The following TBC1D9 variants were observed in gnomAD, a reference collection of about 807,000 sequenced individuals.
TBC1D9 encodes the protein TBC1 domain family member 9A.
Under a neutral mutation model 132.0 loss-of-function variants are expected in TBC1D9, and 63 were observed. That is an observed-to-expected ratio of 0.48 (90% CI 0.39 to 0.59). TBC1D9 has a LOEUF of 0.59. TBC1D9 is among the 20% of genes least tolerant of loss of function. TBC1D9 has a pLI of 0.00. For synonymous variants in TBC1D9, 610 were observed against 609.9 expected, an observed-to-expected ratio of 1.00 and a Z score of 0.00; for missense variants, 1,261 against 1,592.7, an observed-to-expected ratio of 0.79 and a Z score of 3.54.
chr4:140,709,248 T>TCTCTCACA (rs1382500714), intron 1 of TBC1D9, among the ~76,000 whole-genome samples: 69 of 104,184 alleles, frequency 6.6e-4, no homozygotes, highest in African/African-American at 2.3e-3. Context: ...TCTCTCTCTC[T>TCTCTCACA]CACACACACA....
intron 13 of TBC1D9, 97 bp downstream of exon 13, chr4:140,657,000 C>G: frequency 7.2e-7 from 1 of 1,394,670 alleles, no homozygotes; most frequent in Non-Finnish European, 9.7e-7. Flanking sequence ...TGTTCTTTGC[C>G]CAGTCTGTGG....
intron 1 of TBC1D9, among the ~76,000 whole-genome samples, chr4:140,740,416 C>A (rs1263393536): frequency 1.3e-5 from 2 of 152,218 alleles, no homozygotes; most frequent in Non-Finnish European, 2.9e-5. Context: ...TACCCAATTA[C>A]AATCTCATCT....
At chr4:140,728,403 A>G (rs1241649493) in intron 1 of TBC1D9, among the ~76,000 whole-genome samples, 4 of 50,122 alleles carry the variant, frequency 8.0e-5, no homozygotes, top group African/African-American at 2.5e-4. Context: ...TTAAATGGTA[A>G]AAAAAAAAAA....
At chr4:140,752,610 T>C (rs2111088197) in intron 1 of TBC1D9, among the ~76,000 whole-genome samples, 1 of 152,320 alleles carries the variant, frequency 6.6e-6, no homozygotes, top group East Asian at 1.9e-4. Flanking sequence ...AGTAGATCAC[T>C]GCACTTTGCA....
intron 13 of TBC1D9, among the ~76,000 whole-genome samples, chr4:140,645,997 T>C (rs969159003): frequency 1.3e-5 from 2 of 152,230 alleles, no homozygotes; most frequent in African/African-American, 4.8e-5. Context: ...AGCACCACTT[T>C]GCATTTGTTT....
intron 9 of TBC1D9, among the ~76,000 whole-genome samples, chr4:140,662,435 T>A (rs1254245315): frequency 2.0e-5 from 3 of 152,188 alleles, no homozygotes; most frequent in African/African-American, 7.2e-5. Flanking sequence ...GAGGTCATCA[T>A]AACAAGCCAG....
At chr4:140,644,352 G>A (rs1054326140) in intron 13 of TBC1D9, 9 of 283,420 alleles carry the variant, frequency 3.2e-5, no homozygotes, top group South Asian at 7.4e-5. Flanking sequence ...GGAGCTAGGG[G>A]TAGCAGGGTA....
At chr4:140,645,109 CT>C in intron 13 of TBC1D9, 1 of 552,140 alleles carries the variant, frequency 1.8e-6, no homozygotes, top group Non-Finnish European at 3.5e-6. Context: ...GGGTTCAGGC[CT>C]TTAGGAGCAC....
At chr4:140,644,924 AG>A (rs1200202001) in intron 13 of TBC1D9, 3 of 446,990 alleles carry the variant, frequency 6.7e-6, no homozygotes, top group East Asian at 1.2e-4. Flanking sequence ...GTGGGAACGC[AG>A]GGGCCATGCC....
intron 1 of TBC1D9, among the ~76,000 whole-genome samples, chr4:140,749,220 TA>T (rs879624562): frequency 5.5e-4 from 75 of 136,306 alleles, no homozygotes; most frequent in Non-Finnish European, 5.3e-4. Context: ...AAATAAAAGG[TA>T]AAAAAAAAAA....
intron 3 of TBC1D9, among the ~76,000 whole-genome samples, chr4:140,682,111 A>G (rs529248237): frequency 6.6e-6 from 1 of 152,148 alleles, no homozygotes; most frequent in East Asian, 1.9e-4. Context: ...CTTAGTCTTT[A>G]TTGTATAATC....
intron 6 of TBC1D9, among the ~76,000 whole-genome samples, chr4:140,674,506 A>G (rs1490101087): frequency 6.6e-6 from 1 of 152,038 alleles, no homozygotes; most frequent in East Asian, 1.9e-4. Context: ...TTTACGGAAT[A>G]AACTGCAGGA....
chr4:140,627,793 T>G (rs1165522062), intron 17 of TBC1D9, among the ~76,000 whole-genome samples: 1 of 152,228 alleles, frequency 6.6e-6, no homozygotes, highest in African/African-American at 2.4e-5. Context: ...TTGTATGGAA[T>G]AATGCTATAT....
intron 15 of TBC1D9, among the ~76,000 whole-genome samples, chr4:140,637,164 A>G (rs1175694537): frequency 1.3e-5 from 2 of 152,096 alleles, no homozygotes; most frequent in Non-Finnish European, 2.9e-5. Flanking sequence ...AGCATGGCCA[A>G]TATGGTGAAA....
At chr4:140,737,088 C>G (rs923719602) in intron 1 of TBC1D9, among the ~76,000 whole-genome samples, 1 of 152,148 alleles carries the variant, frequency 6.6e-6, no homozygotes, top group African/African-American at 2.4e-5. Flanking sequence ...GTAAGGAGCC[C>G]ACAATCTAGA....
intron 13 of TBC1D9, among the ~76,000 whole-genome samples, chr4:140,641,105 C>CAAAAAAAAAAAAAAAA (rs1038335139): frequency 1.7e-5 from 1 of 59,780 alleles, no homozygotes; most frequent in Non-Finnish European, 3.1e-5. Context: ...AAAAAAAAAA[C>CAAAAAAAAAAAAAAAA]AAAAAAAAAC....
chr4:140,656,040 A>G (rs1025759897), intron 13 of TBC1D9, among the ~76,000 whole-genome samples: 1 of 152,154 alleles, frequency 6.6e-6, no homozygotes, highest in Non-Finnish European at 1.5e-5. Context: ...GCCATGTGCT[A>G]CTATGGTATT....
intron 13 of TBC1D9, 56 bp downstream of exon 13, chr4:140,657,041 C>G (rs558051840): frequency 8.8e-6 from 14 of 1,587,420 alleles, no homozygotes; most frequent in Admixed American, 3.4e-5. Flanking sequence ...AAACAGGCAG[C>G]AGTGGAAGTG....
chr4:140,681,006 C>T (rs1045131966), intron 3 of TBC1D9, among the ~76,000 whole-genome samples: 2 of 152,194 alleles, frequency 1.3e-5, no homozygotes, highest in Admixed American at 1.3e-4. Context: ...AGACTGGCTG[C>T]TCCTTGTGAA....
Sources: gnomAD v4.1 joint callset for allele counts (sites outside exome capture counted in the v4.1 genomes callset) on GRCh38, gnomAD v4.1.1 for gene constraint, MANE v1.5 for transcripts, NCBI Gene and HGNC (gene_info 2026-07-23, HGNC 2026-07-21) for gene names.